The following TRIM67 variants were observed in gnomAD, a reference collection of about 807,000 sequenced individuals.
The protein encoded by TRIM67 is tripartite motif-containing protein 67.
In TRIM67, 39 loss-of-function variants were observed where a neutral mutation model predicts 71.0. That is an observed-to-expected ratio of 0.55 (90% CI 0.43 to 0.72). The LOEUF (loss-of-function observed/expected upper bound fraction) is 0.72, where lower values mean the gene tolerates loss of function less well. Among genes scored for constraint, TRIM67 ranks in the 30% least tolerant of loss-of-function variants. The pLI, the probability that TRIM67 is intolerant of heterozygous loss-of-function variation, is 0.00. For synonymous variants in TRIM67, 481 were observed against 473.9 expected, an observed-to-expected ratio of 1.01 and a Z score of -0.19; for missense variants, 973 against 1,079.2, an observed-to-expected ratio of 0.90 and a Z score of 1.38.
At position 231,162,296 on chromosome 1, in the gene TRIM67, T is replaced by C. The variant is rs1682307257; in HGVS notation, c.-674T>C. 6.6e-6 allele frequency: 1 copy of C among 151,870 alleles called. No homozygotes were observed. The highest frequency in any genetic ancestry group is 2.4e-5 in the African/African-American group (1 of 41,340). The allele number at this position is 151,870 out of a possible 1,614,324, so 9.4% of individuals were successfully genotyped here. A position where few individuals can be genotyped will look rare whatever the true frequency, so the allele number is the denominator to read the frequency against. ...CGTCCACAGCCGCCCAGGAGTAGGG[T>C]GAGCGGCTGTCTCCGGGCCGGTCGG... On this transcript the variant is annotated 5_prime_UTR_variant, in exon 1 of 10. Transcript: ENST00000366653.
intron 1 of TRIM67, chr1:231,187,619 C>T (rs146540554): frequency 3.2e-5 from 47 of 1,462,284 alleles, no homozygotes; most frequent in Admixed American, 4.2e-5. Context: ...AGTGAAGCTT[C>T]GATTCCTGTT....
intron 1 of TRIM67, among the ~76,000 whole-genome samples, chr1:231,174,939 A>C (rs1682706781): frequency 2.0e-5 from 3 of 152,350 alleles, no homozygotes; most frequent in African/African-American, 7.2e-5. Context: ...TCTCATTAAG[A>C]TAGTCCCCTA....
At chr1:231,169,253 C>A (rs1343703106) in intron 1 of TRIM67, among the ~76,000 whole-genome samples, 1 of 151,630 alleles carries the variant, frequency 6.6e-6, no homozygotes, top group African/African-American at 2.4e-5. Context: ...CAGGGTTTTG[C>A]CATGTTGGCC....
chr1:231,190,128 T>C (rs1269036950), intron 1 of TRIM67, among the ~76,000 whole-genome samples: 4 of 152,092 alleles, frequency 2.6e-5, no homozygotes, highest in Admixed American at 2.6e-4. Flanking sequence ...CATGACAGAG[T>C]GAGCCTGGGG....
intron 1 of TRIM67, among the ~76,000 whole-genome samples, chr1:231,177,639 A>G (rs1174660331): frequency 6.6e-6 from 1 of 152,182 alleles, no homozygotes; most frequent in Non-Finnish European, 1.5e-5. Context: ...GGGCATTTTT[A>G]CTAATAACTC....
chr1:231,164,024 G>A lies in TRIM67; in HGVS notation c.1044+11G>A, dbSNP rs1196390954. The A allele has an allele frequency of 3.6e-5, 54 of 1,493,620 alleles. No homozygotes were observed. In the East Asian group the frequency reaches 8.4e-4, roughly 23 times the overall value. The allele number at this position is 1,493,620 out of a possible 1,614,324, so 92.5% of individuals were successfully genotyped here. A position where few individuals can be genotyped will look rare whatever the true frequency, so the allele number is the denominator to read the frequency against. Reference sequence around the variant, plus strand: ...TGGAAGCAGCACAAGGTGAGCCCGCGGGACGCGGGAGTGCAGGTGCCAGGG... The same window carrying A: ...TGGAAGCAGCACAAGGTGAGCCCGCAGGACGCGGGAGTGCAGGTGCCAGGG... On this transcript the variant is annotated intron_variant, in intron 1 of 9. Transcript: ENST00000366653.
chr1:231,202,210 TGGA>T (rs1261323877), intron 5 of TRIM67, among the ~76,000 whole-genome samples: 2 of 146,606 alleles, frequency 1.4e-5, no homozygotes, highest in Non-Finnish European at 3.0e-5. Context: ...GCTGAGATAG[TGGA>T]GGAGGAGGAG....
intron 5 of TRIM67, 54 bp from the exon 6 acceptor site, chr1:231,203,813 G>A: frequency 6.3e-7 from 1 of 1,577,584 alleles, no homozygotes. Flanking sequence ...TGGGGGACCG[G>A]GCTGGGGCCC....
chr1:231,174,895 A>G (rs1682705636), intron 1 of TRIM67, among the ~76,000 whole-genome samples: 2 of 152,258 alleles, frequency 1.3e-5, no homozygotes. Context: ...GTCTACTTGA[A>G]TACAACCAAA....
chr1:231,179,799 C>A (rs1249658626), intron 1 of TRIM67, among the ~76,000 whole-genome samples: 1 of 152,158 alleles, frequency 6.6e-6, no homozygotes, highest in East Asian at 1.9e-4. Flanking sequence ...CTGAAGCTAG[C>A]AGAAAAGTGG....
intron 1 of TRIM67, among the ~76,000 whole-genome samples, chr1:231,192,339 G>A (rs1395945216): frequency 6.6e-6 from 1 of 152,030 alleles, no homozygotes; most frequent in East Asian, 1.9e-4. Context: ...GTTTTGTAGA[G>A]ACAACAGCTC....
At position 231,217,114 on chromosome 1, in the gene TRIM67, C is replaced by A. The variant is rs150659600; in HGVS notation, c.*1674C>A. 54 of 985,958 alleles carry A rather than the reference C, an allele frequency of 5.5e-5. No individual in the cohort carries two copies. The highest frequency in any genetic ancestry group is 2.8e-4 in the South Asian group (6 of 21,286). 61.1% of individuals were successfully genotyped at this position (985,958 alleles called of 1,614,324 possible). A position where few individuals can be genotyped will look rare whatever the true frequency, so the allele number is the denominator to read the frequency against. ...CTGCCGGAGCCATGCAGGTACCCCC[C>A]CTCCACTCAGCAGGCCCGACAATCC... On this transcript the variant is annotated 3_prime_UTR_variant, in exon 10 of 10. Coordinates refer to ENST00000366653, the MANE Select transcript of TRIM67 (RefSeq NM_001004342.5).
chr1:231,180,584 G>C (rs1682874606), intron 1 of TRIM67, among the ~76,000 whole-genome samples: 1 of 152,158 alleles, frequency 6.6e-6, no homozygotes, highest in Admixed American at 6.5e-5. Context: ...TGGCAGCCTG[G>C]AGCATGGAGG....
chr1:231,163,082 C>T lies in TRIM67; in HGVS notation c.113C>T (p.Thr38Ile). The change falls in exon 1 of 10, where the codon ACC (threonine) becomes ATC (isoleucine). Residue 38 changes from threonine (T) to isoleucine (I), a missense_variant. This residue lies in a region of TRIM67 where 795 missense variants were observed against 831.3 expected (regional missense o/e 0.96). Coordinates refer to ENST00000366653, the MANE Select transcript of TRIM67 (RefSeq NM_001004342.5). ...TGCGCTCGCACCATCGCGGTGCAGA[C>T]CCCGGACGGTGAGCAGCACCTGCCC... Reference protein sequence around the residue: ...LPCARTIAVQTPDGEQHLPQP... With the variant: ...LPCARTIAVQIPDGEQHLPQP... 6.3e-7 allele frequency: 1 copy of T among 1,591,066 alleles called. No individual in the cohort carries two copies. Among genetic ancestry groups the T allele is most frequent in the Non-Finnish European group, 8.5e-7 (1 of 1,170,028 alleles).
In TRIM67 at chr1:231,163,242, T is replaced by C; in HGVS notation, c.273T>C (p.Gly91=). 6.7e-7 allele frequency: 1 copy of C among 1,502,724 alleles called. No individual in the cohort carries two copies. The highest frequency in any genetic ancestry group is 8.9e-7 in the Non-Finnish European group (1 of 1,126,236). 93.1% of individuals were successfully genotyped at this position (1,502,724 alleles called of 1,614,324 possible). ...GGSAAGGLGG[G]AGGGGDHADK... ...GTGCAGCTGGCGGCCTCGGCGGCGG[T>C]GCGGGAGGTGGCGGAGACCACGCGG... The change falls in exon 1 of 10, where the codon GGT becomes GGC. Residue 91 remains glycine, a synonymous_variant. Coordinates refer to ENST00000366653, the MANE Select transcript of TRIM67 (RefSeq NM_001004342.5).
chr1:231,163,656 C>T lies in TRIM67; in HGVS notation c.687C>T (p.Leu229=). 6.6e-7 allele frequency: 1 copy of T among 1,521,880 alleles called. No homozygotes were observed. Among genetic ancestry groups the T allele is most frequent in the Non-Finnish European group, 8.8e-7 (1 of 1,136,724 alleles). 94.3% of individuals were successfully genotyped at this position (1,521,880 alleles called of 1,614,324 possible). A position where few individuals can be genotyped will look rare whatever the true frequency, so the allele number is the denominator to read the frequency against. The change falls in exon 1 of 10, where the codon CTC becomes CTT. Residue 229 remains leucine (L), a synonymous_variant. Coordinates refer to ENST00000366653, the MANE Select transcript of TRIM67 (RefSeq NM_001004342.5). ...CGCTCTGCGAGCAGTGCGACGTCCT[C>T]TACTGCTCTGCCTGCCAGCTCAAGT... is the stretch of plus-strand genomic sequence containing the variant. ...AATLCEQCDV[L]YCSACQLKCH... is the part of the protein sequence containing the mutation.
Position 231,182,492 on chromosome 1 carries a change from T to A in TRIM67, c.1045-14879T>A, listed in dbSNP as rs149908251. ...GGCACAGGGACCCAGAAAAGGGACA[T>A]CTCAACAGGACTTGAAGGGGGAGGT... On this transcript the variant is annotated intron_variant, in intron 1 of 9. Coordinates refer to ENST00000366653, the MANE Select transcript of TRIM67 (RefSeq NM_001004342.5). 4.0e-3 allele frequency among the ~76,000 whole-genome samples: 613 copies of A among 152,142 alleles called. 6 individuals carry two copies. The highest frequency in any genetic ancestry group is 0.013 in the African/African-American group (554 of 41,494).
chr1:231,215,027 G>T (rs899295780), intron 9 of TRIM67, among the ~76,000 whole-genome samples: 4 of 152,198 alleles, frequency 2.6e-5, no homozygotes, highest in African/African-American at 9.7e-5. Context: ...GGAAAGGAAA[G>T]AAGGTCATGG....
chr1:231,219,522 T>A lies in TRIM67; in HGVS notation c.*4082T>A, dbSNP rs960635150. On this transcript the variant is annotated 3_prime_UTR_variant, in exon 10 of 10. Transcript: ENST00000366653. ...TCTTCAGGGGGCAGGTAGGGGAAAATGGGGTGAGCCACCTCCAACAGATGC... is the reference window on the plus strand; with the variant it reads ...TCTTCAGGGGGCAGGTAGGGGAAAAAGGGGTGAGCCACCTCCAACAGATGC... The A allele has an allele frequency of 7.5e-6, 8 of 1,069,374 alleles. No individual in the cohort carries two copies. The highest frequency in any genetic ancestry group is 9.1e-6 in the Non-Finnish European group (8 of 880,688). 66.2% of individuals were successfully genotyped at this position (1,069,374 alleles called of 1,614,324 possible).
Sources: allele counts gnomAD v4.1 joint callset (sites outside exome capture counted in the v4.1 genomes callset), GRCh38; gene constraint gnomAD v4.1.1; regional missense constraint gnomAD v4.1.1; transcripts MANE v1.5; gene names NCBI Gene and HGNC (gene_info 2026-07-23, HGNC 2026-07-21).